The following CFAP61 variants were observed in gnomAD, a reference collection of about 807,000 sequenced individuals.
CFAP61 encodes the protein cilia and flagella associated protein 61.
A neutral mutation model predicts 135.6 loss-of-function variants in CFAP61; 107 were observed. That is an observed-to-expected ratio of 0.79 (90% confidence interval 0.67 to 0.93). The LOEUF (loss-of-function observed/expected upper bound fraction) is 0.93, where lower values mean the gene tolerates loss of function less well. CFAP61 is among the 40% of genes least tolerant of loss of function. The probability of loss-of-function intolerance (pLI) is 0.00; values close to 1 mark genes in which losing one functional copy is unlikely to be tolerated. For synonymous variants in CFAP61, 575 were observed against 578.5 expected (o/e 0.99, Z 0.09); for missense variants, 1,507 against 1,556.2 (o/e 0.97, Z 0.53).
chr20:20,142,812 A>G, intron 8 of CFAP61, 45 bp from the exon 9 acceptor site: 1 of 1,070,620 alleles, frequency 9.3e-7, no homozygotes, highest in Non-Finnish European at 1.4e-6. Flanking sequence ...TTCTGCAGAT[A>G]TTTATCATCT....
intron 25 of CFAP61, among the ~76,000 whole-genome samples, chr20:20,333,602 A>G (rs1471631332): frequency 2.6e-5 from 4 of 152,204 alleles, no homozygotes; most frequent in Non-Finnish European, 4.4e-5. Flanking sequence ...AAGGAGAGAA[A>G]TGTTAGCACT....
intron 11 of CFAP61, among the ~76,000 whole-genome samples, chr20:20,165,141 G>A (rs917898088): frequency 1.3e-5 from 2 of 152,166 alleles, no homozygotes; most frequent in East Asian, 3.9e-4. Flanking sequence ...TCAGAGGAGT[G>A]CCCCATCCTG....
chr20:20,109,008 T>G (rs2048603472), intron 8 of CFAP61, among the ~76,000 whole-genome samples: 5 of 152,248 alleles, frequency 3.3e-5, no homozygotes, highest in Admixed American at 3.3e-4. Context: ...TGTCTTTCAA[T>G]GTGGAACAGT....
chr20:20,141,379 A>C (rs2051388946), intron 8 of CFAP61, among the ~76,000 whole-genome samples: 1 of 152,232 alleles, frequency 6.6e-6, no homozygotes, highest in Non-Finnish European at 1.5e-5. Flanking sequence ...TAGAAACCCC[A>C]GATAGTCTTA....
At chr20:20,277,980 A>T (rs1027675796) in intron 22 of CFAP61, among the ~76,000 whole-genome samples, 1 of 152,216 alleles carries the variant, frequency 6.6e-6, no homozygotes, top group Non-Finnish European at 1.5e-5. Context: ...CTGGCCTCTG[A>T]AATCAAGCAG....
At chr20:20,335,157 A>C (rs2058136090) in intron 25 of CFAP61, among the ~76,000 whole-genome samples, 1 of 152,198 alleles carries the variant, frequency 6.6e-6, no homozygotes, top group South Asian at 2.1e-4. Context: ...TGGAGGTAGA[A>C]GTCACACATG....
intron 25 of CFAP61, among the ~76,000 whole-genome samples, chr20:20,310,872 C>T (rs2056783965): frequency 6.6e-6 from 1 of 152,192 alleles, no homozygotes. Flanking sequence ...AGTGGAAGCA[C>T]CTCCTCAGGG....
intron 17 of CFAP61, among the ~76,000 whole-genome samples, chr20:20,220,572 C>A (rs982801696): frequency 3.3e-5 from 5 of 152,174 alleles, no homozygotes; most frequent in Non-Finnish European, 7.4e-5. Flanking sequence ...TAGACAGTGT[C>A]AGAATGGAAT....
chr20:20,291,110 C>T (rs1279439176), intron 24 of CFAP61, among the ~76,000 whole-genome samples: 1 of 152,126 alleles, frequency 6.6e-6, no homozygotes, highest in East Asian at 1.9e-4. Flanking sequence ...CCACTATCAA[C>T]ATCCCCCACC....
chr20:20,086,815 C>T (rs975537338), intron 6 of CFAP61, among the ~76,000 whole-genome samples: 1 of 152,178 alleles, frequency 6.6e-6, no homozygotes, highest in Non-Finnish European at 1.5e-5. Context: ...TAAGAATTAG[C>T]ACCAGAACTG....
intron 2 of CFAP61, among the ~76,000 whole-genome samples, chr20:20,064,033 C>CCA (rs1204406939): frequency 1.9e-5 from 1 of 52,216 alleles, no homozygotes; most frequent in Admixed American, 2.3e-4. Context: ...AATAGAGTAA[C>CCA]CGCCCCCCAC....
At chr20:20,224,907 G>C (rs576252887) in intron 17 of CFAP61, among the ~76,000 whole-genome samples, 2 of 152,236 alleles carry the variant, frequency 1.3e-5, no homozygotes, top group African/African-American at 4.8e-5. Context: ...TATAAAATGT[G>C]AGTCAAGAAC....
In CFAP61 at chr20:20,208,939, G is replaced by T. The variant is rs559411658; in HGVS notation, c.1932+9037G>T. Among the ~76,000 whole-genome samples the T allele has an allele frequency of 5.1e-4, 77 of 152,168 alleles. 1 individual carries two copies. The highest frequency in any genetic ancestry group is 9.6e-4 in the Non-Finnish European group (65 of 68,026). On this transcript the variant is annotated intron_variant, in intron 17 of 26. Coordinates refer to ENST00000245957, the MANE Select transcript of CFAP61 (RefSeq NM_015585.4). ...ACCCCCTCCATCTGTCCTCTTTGGG[G>T]TGGGGGGGCATGGGACTCACAGCAC...
chr20:20,330,723 G>A (rs1342488475), intron 25 of CFAP61, among the ~76,000 whole-genome samples: 1 of 152,138 alleles, frequency 6.6e-6, no homozygotes, highest in Non-Finnish European at 1.5e-5. Context: ...CAGGTGCAGC[G>A]GTGGGCCTCT....
intron 26 of CFAP61, among the ~76,000 whole-genome samples, chr20:20,357,854 G>C (rs796200393): frequency 0.06 from 1,586 of 26,388 alleles, 1 homozygote; most frequent in African/African-American, 0.13. Context: ...TGGTCACAGT[G>C]TGAGGGGAGG....
At chr20:20,322,920 T>C in intron 25 of CFAP61, 1 of 985,462 alleles carries the variant, frequency 1.0e-6, no homozygotes, top group South Asian at 4.7e-5. Context: ...TTAAGTAGCT[T>C]ATTTATTGAA....
chr20:20,197,633 C>G (rs2056381288), intron 16 of CFAP61, among the ~76,000 whole-genome samples: 1 of 152,042 alleles, frequency 6.6e-6, no homozygotes, highest in African/African-American at 2.4e-5. Context: ...ACCCCCCTCC[C>G]CCACACGCAC....
At chr20:20,112,100 G>C (rs950741234) in intron 8 of CFAP61, among the ~76,000 whole-genome samples, 9 of 152,120 alleles carry the variant, frequency 5.9e-5, no homozygotes, top group Non-Finnish European at 1.2e-4. Context: ...TCCAGGATAA[G>C]AAGAGACTTA....
chr20:20,264,763 A>G (rs1032767960), intron 21 of CFAP61, among the ~76,000 whole-genome samples: 2 of 152,150 alleles, frequency 1.3e-5, no homozygotes, highest in Non-Finnish European at 2.9e-5. Flanking sequence ...ATGGTGGTGT[A>G]CACCTGTAGT....
Sources: allele counts gnomAD v4.1 joint callset (sites outside exome capture counted in the v4.1 genomes callset), GRCh38; gene constraint gnomAD v4.1.1; transcripts MANE v1.5; gene names NCBI Gene and HGNC (gene_info 2026-07-23, HGNC 2026-07-21).